The following NFAT5 variants were observed in gnomAD, a reference collection of about 807,000 sequenced individuals.
The protein encoded by NFAT5 is nuclear factor of activated T-cells 5.
NFAT5 carries 31 observed loss-of-function variants against 166.5 expected under a neutral mutation model. The observed-to-expected ratio is 0.19, with a 90% CI of 0.14 to 0.25. NFAT5 has a LOEUF of 0.25. Ranked by LOEUF, NFAT5 falls within the 10% of genes least tolerant of loss-of-function variation. NFAT5 has a pLI of 1.00. For missense variants in NFAT5, 1,449 were observed against 1,821.8 expected, an observed-to-expected ratio of 0.80 and a Z score of 3.72; for synonymous variants, 612 against 639.7, an observed-to-expected ratio of 0.96 and a Z score of 0.65.
Position 69,670,618 on chromosome 16 carries a change from A to G in NFAT5, c.1557+330A>G, listed in dbSNP as rs1339068024. 3.3e-5 allele frequency among the ~76,000 whole-genome samples: 5 copies of G among 152,222 alleles called. No homozygotes were observed. In the East Asian group the frequency reaches 7.7e-4, roughly 23 times the overall value. On this transcript the variant is annotated intron_variant, in intron 9 of 14. Transcript: ENST00000349945. ...TTAAATAAAAGGGAAACCAATATTT[A>G]TTGAGAATCTGTTATGTTTCAGGTA... is the stretch of plus-strand genomic sequence containing the variant.
intron 2 of NFAT5, among the ~76,000 whole-genome samples, chr16:69,587,204 C>A (rs1243266281): frequency 6.6e-6 from 1 of 151,316 alleles, no homozygotes; most frequent in Non-Finnish European, 1.5e-5. Context: ...GCCTCAGCCT[C>A]CTGAGTAGCT....
intron 2 of NFAT5, among the ~76,000 whole-genome samples, chr16:69,583,825 G>T (rs556829030): frequency 6.6e-6 from 1 of 152,272 alleles, no homozygotes; most frequent in African/African-American, 2.4e-5. Flanking sequence ...GAAGGGTTTT[G>T]GAAGTTTGAG....
chr16:69,633,936 A>G (rs758482668), intron 3 of NFAT5, among the ~76,000 whole-genome samples: 22 of 152,134 alleles, frequency 1.4e-4, no homozygotes, highest in Admixed American at 7.9e-4. Flanking sequence ...TATCTACCCC[A>G]TGAATATGTA....
At chr16:69,661,220 C>A (rs1223800559) in intron 7 of NFAT5, among the ~76,000 whole-genome samples, 1 of 150,908 alleles carries the variant, frequency 6.6e-6, no homozygotes, top group Non-Finnish European at 1.5e-5. Context: ...CCATTCCAAT[C>A]CCAGCTCTTC....
At chr16:69,660,012 C>A in intron 7 of NFAT5, 113 bp downstream of exon 7, 2 of 915,916 alleles carry the variant, frequency 2.2e-6, no homozygotes, top group Non-Finnish European at 3.2e-6. Context: ...TGTGATCATG[C>A]AAAATTTGAA....
At chr16:69,683,642 T>C (rs1055848956) in intron 10 of NFAT5, among the ~76,000 whole-genome samples, 1 of 152,218 alleles carries the variant, frequency 6.6e-6, no homozygotes, top group Non-Finnish European at 1.5e-5. Flanking sequence ...GATTTATATT[T>C]AGGCCCATTA....
chr16:69,588,840 A>G (rs917761555), intron 2 of NFAT5, among the ~76,000 whole-genome samples: 1 of 152,188 alleles, frequency 6.6e-6, no homozygotes, highest in Non-Finnish European at 1.5e-5. Flanking sequence ...TTGAAATGCC[A>G]GATTAGAGGG....
chr16:69,588,694 G>A lies in NFAT5; in HGVS notation c.127+20146G>A, dbSNP rs561192279. ...GGATCTCCCATATCAAATATATTTA[G>A]AAGTGAAATTTAGCAATCATTTATT... On this transcript the variant is annotated intron_variant, in intron 2 of 14. Coordinates refer to ENST00000349945, the MANE Select transcript of NFAT5 (RefSeq NM_138713.4). 2.0e-4 allele frequency among the ~76,000 whole-genome samples: 30 copies of A among 152,258 alleles called. No individual in the cohort carries two copies. The South Asian group carries it at 5.6e-3, about 28-fold the overall frequency.
In NFAT5 at chr16:69,566,222, G is replaced by T. The variant is rs2016022142; in HGVS notation, c.-80G>T. On this transcript the variant is annotated 5_prime_UTR_variant, in exon 1 of 15. Transcript: ENST00000349945. The surrounding 1 kb of genome is among the most constrained non-coding windows in gnomAD (Gnocchi z 5.7). ...CGTCGCCGCCCCCGGTTCGGTGCCC[G>T]CGGTCCCGGAGAGGAGGTGCCGCCG... 1.5e-6 allele frequency: 2 copies of T among 1,360,752 alleles called. No individual in the cohort carries two copies. Among genetic ancestry groups the T allele is most frequent in the Non-Finnish European group, 1.0e-6 (1 of 983,556 alleles). 84.3% of individuals were successfully genotyped at this position (1,360,752 alleles called of 1,614,324 possible). A position where few individuals can be genotyped will look rare whatever the true frequency, so the allele number is the denominator to read the frequency against.
chr16:69,588,335 A>G (rs534470845), intron 2 of NFAT5, among the ~76,000 whole-genome samples: 1 of 152,170 alleles, frequency 6.6e-6, no homozygotes, highest in Non-Finnish European at 1.5e-5. Context: ...TAATTATAAA[A>G]ACCAACTAAC....
intron 3 of NFAT5, among the ~76,000 whole-genome samples, chr16:69,631,227 T>TC (rs2034701729): frequency 1.3e-5 from 2 of 152,016 alleles, no homozygotes; most frequent in African/African-American, 4.8e-5. Context: ...GGTCAGGAGT[T>TC]CAAGACCAGC....
At chr16:69,613,032 TC>T (rs1274665426) in intron 2 of NFAT5, among the ~76,000 whole-genome samples, 1 of 152,202 alleles carries the variant, frequency 6.6e-6, no homozygotes, top group African/African-American at 2.4e-5. Flanking sequence ...GAATTCTCTT[TC>T]CAGGTTTATT....
chr16:69,635,293 G>C (rs1361299872), intron 3 of NFAT5, among the ~76,000 whole-genome samples: 6 of 152,020 alleles, frequency 3.9e-5, no homozygotes, highest in African/African-American at 1.2e-4. Context: ...TTACAGGCGT[G>C]AGCCACCATG....
At chr16:69,649,579 AT>A (rs1171099168) in intron 4 of NFAT5, 15 of 980,472 alleles carry the variant, frequency 1.5e-5, no homozygotes, top group South Asian at 1.4e-4. Flanking sequence ...AATGAAAAAA[AT>A]ATTTGAAACT....
At chr16:69,584,378 G>A (rs2031901370) in intron 2 of NFAT5, among the ~76,000 whole-genome samples, 1 of 150,578 alleles carries the variant, frequency 6.6e-6, no homozygotes, top group Admixed American at 6.6e-5. Flanking sequence ...GCAGTGAGTA[G>A]GGTGCAGTGG....
chr16:69,689,496 G>A (rs1371791776), intron 11 of NFAT5, among the ~76,000 whole-genome samples: 1 of 152,188 alleles, frequency 6.6e-6, no homozygotes, highest in East Asian at 1.9e-4. Context: ...TGGCTGTGAG[G>A]CAAGTTGAAG....
intron 7 of NFAT5, among the ~76,000 whole-genome samples, chr16:69,666,634 A>G (rs1233335218): frequency 6.6e-6 from 1 of 152,162 alleles, no homozygotes; most frequent in Non-Finnish European, 1.5e-5. Context: ...ACCATCTCAC[A>G]CCAGTTAGAA....
intron 3 of NFAT5, among the ~76,000 whole-genome samples, chr16:69,634,859 T>G (rs1364499542): frequency 6.6e-6 from 1 of 152,154 alleles, no homozygotes; most frequent in African/African-American, 2.4e-5. Context: ...TTAAATAAAT[T>G]TCTAATAATA....
At chr16:69,660,963 T>C (rs1398615935) in intron 7 of NFAT5, among the ~76,000 whole-genome samples, 1 of 151,840 alleles carries the variant, frequency 6.6e-6, no homozygotes, top group African/African-American at 2.4e-5. Flanking sequence ...TGTGTGCCAC[T>C]AGCACCTGGC....
Sources: allele counts gnomAD v4.1 joint callset (sites outside exome capture counted in the v4.1 genomes callset), GRCh38; gene constraint gnomAD v4.1.1; non-coding constraint Gnocchi (gnomAD v3.1); transcripts MANE v1.5; gene names NCBI Gene and HGNC (gene_info 2026-07-23, HGNC 2026-07-21).